Variants in MYB observed in about 807,000 individuals in gnomAD.
The protein encoded by MYB is transcriptional activator Myb.
MYB carries 28 observed loss-of-function variants against 92.9 expected under a neutral mutation model. That is an observed-to-expected ratio of 0.30 (90% CI 0.22 to 0.41). The LOEUF is 0.41. Ranked by LOEUF, MYB falls within the 10% of genes least tolerant of loss-of-function variation. The pLI is 1.00. For synonymous variants in MYB, 295 were observed against 329.1 expected, an observed-to-expected ratio of 0.90 and a Z score of 1.12; for missense variants, 679 against 929.3, an observed-to-expected ratio of 0.73 and a Z score of 3.50.
intron 1 of MYB, among the ~76,000 whole-genome samples, chr6:135,183,147 C>T (rs1775375407): frequency 6.6e-6 from 1 of 151,510 alleles, no homozygotes; most frequent in South Asian, 2.1e-4. Context: ...CGCGCAGGTT[C>T]CCTGAGGCTC....
intron 3 of MYB, among the ~76,000 whole-genome samples, chr6:135,188,139 G>C (rs990413996): frequency 6.6e-6 from 1 of 152,004 alleles, no homozygotes; most frequent in African/African-American, 2.4e-5. Context: ...AAAAACAGTT[G>C]CTTCTTGTTT....
At position 135,193,795 on chromosome 6, in the gene MYB, T is replaced by C. The variant is rs776384034; in HGVS notation, c.763-43T>C. On this transcript the variant is annotated intron_variant, in intron 6 of 15. Coordinates refer to ENST00000341911, the MANE Select transcript of MYB (RefSeq NM_001130173.2). ...GAAGCCAAGTCCCCTGAAGCATATG[T>C]AGCCCTGAATGACGTGGCCTTTGTT... 64 of 1,397,462 alleles carry C rather than the reference T, an allele frequency of 4.6e-5. No individual in the cohort carries two copies. The South Asian group carries it at 6.2e-4, about 13-fold the overall frequency. The allele number at this position is 1,397,462 out of a possible 1,614,324, so 86.6% of individuals were successfully genotyped here. A position where few individuals can be genotyped will look rare whatever the true frequency, so the allele number is the denominator to read the frequency against.
Position 135,185,913 on chromosome 6 carries a change from A to T in MYB, c.34A>T (p.Ser12Cys), listed in dbSNP as rs967344622. The change falls in exon 2 of 16, where the codon AGT becomes TGT. Residue 12 changes from serine (S) to cysteine (C), a missense_variant. Transcript: ENST00000341911. ...ARRPRHSIYSSDEDDEDFEMC... is the reference protein window; with the variant it reads ...ARRPRHSIYSCDEDDEDFEMC... The stretch of plus-strand genomic sequence containing the variant: ...TTCTTATTTCTGCAGCATATATAGC[A>T]GTGACGAGGATGATGAGGACTTTGA... The T allele has an allele frequency of 6.2e-7, 1 of 1,613,190 alleles. No homozygotes were observed. Among genetic ancestry groups the T allele is most frequent in the Non-Finnish European group, 8.5e-7 (1 of 1,179,312 alleles).
rs1263382160 is a variant in MYB, at chr6:135,182,000, T to G, written c.23+464T>G. 1.3e-5 allele frequency among the ~76,000 whole-genome samples: 2 copies of G among 152,180 alleles called. No individual in the cohort carries two copies. The highest frequency in any genetic ancestry group is 4.8e-5 in the African/African-American group (2 of 41,434). The stretch of plus-strand genomic sequence containing the variant: ...GGAAAATGCTGGATTGTTTAGTAGC[T>G]GCAGGTAGTTCATTTAAATTTCATT... On this transcript the variant is annotated intron_variant, in intron 1 of 15. Transcript: ENST00000341911. This position sits in a 1 kb window ranked among gnomAD's most constrained non-coding sequence, Gnocchi z 5.3.
chr6:135,199,697 T>G (rs1170852645), intron 11 of MYB: 2 of 354,730 alleles, frequency 5.6e-6, no homozygotes, highest in Non-Finnish European at 8.4e-6. Flanking sequence ...GTACAAAAAG[T>G]AAATTTTAAA....
At position 135,211,528 on chromosome 6, in the gene MYB, A is replaced by AGATAGAATTGCTTTAGAGCAATT. The variant is rs1483092775; in HGVS notation, c.2170-6335_2170-6313dup. On this transcript the variant is annotated intron_variant, in intron 15 of 15. Coordinates refer to ENST00000341911, the MANE Select transcript of MYB (RefSeq NM_001130173.2). Reference sequence around the variant, plus strand: ...AAATCTTCCTTGGGCAGGCCAGCAAAGATAGAATTGCTTTAGAGCAATTTG... The same window carrying AGATAGAATTGCTTTAGAGCAATT: ...AAATCTTCCTTGGGCAGGCCAGCAAAGATAGAATTGCTTTAGAGCAATTGATAGAATTGCTTTAGAGCAATTTG... 6.6e-5 allele frequency among the ~76,000 whole-genome samples: 10 copies of AGATAGAATTGCTTTAGAGCAATT among 152,230 alleles called. No individual in the cohort carries two copies. The East Asian group carries it at 1.9e-3, about 29-fold the overall frequency.
chr6:135,203,143 CCA>C (rs749041188), intron 14 of MYB, 72 bp from the exon 15 acceptor site: 267 of 1,083,436 alleles, frequency 2.5e-4, no homozygotes, highest in Admixed American at 1.3e-3. Context: ...AATCTACTCT[CCA>C]CAGTGTTAGA....
At chr6:135,216,772 C>T (rs1460063947) in intron 15 of MYB, among the ~76,000 whole-genome samples, 1 of 152,122 alleles carries the variant, frequency 6.6e-6, no homozygotes, top group Non-Finnish European at 1.5e-5. Flanking sequence ...CATCTTACGT[C>T]CTTTTGGAAA....
chr6:135,207,435 A>T (rs1366218287), intron 15 of MYB, among the ~76,000 whole-genome samples: 1 of 152,194 alleles, frequency 6.6e-6, no homozygotes. Context: ...GGAACTGCGC[A>T]ATTCTGTGTT....
At chr6:135,183,542 A>C (rs1775470206) in intron 1 of MYB, among the ~76,000 whole-genome samples, 1 of 152,214 alleles carries the variant, frequency 6.6e-6, no homozygotes, top group Non-Finnish European at 1.5e-5. Flanking sequence ...TGGGTCTGAG[A>C]TCTTGTCAGA....
chr6:135,194,987 A>T (rs1368968054), intron 8 of MYB: 1 of 1,340,420 alleles, frequency 7.5e-7, no homozygotes. Flanking sequence ...GAATTCTGAC[A>T]TCTTTAGCGA....
rs1217103825 is a variant in MYB, at chr6:135,182,968, G to A, written c.23+1432G>A. On this transcript the variant is annotated intron_variant, in intron 1 of 15. Transcript: ENST00000341911. This position sits in a 1 kb window ranked among gnomAD's most constrained non-coding sequence, Gnocchi z 5.6. ...CTGCCCCTCGAGGGCTCCACTTTTC[G>A]CCTTTAGGACTTCACAGGACAGCTA... 6.7e-6 allele frequency among the ~76,000 whole-genome samples: 1 copy of A among 149,518 alleles called. No individual in the cohort carries two copies. Among genetic ancestry groups the A allele is most frequent in the Non-Finnish European group, 1.5e-5 (1 of 67,620 alleles).
intron 13 of MYB, 149 bp downstream of exon 13, chr6:135,200,564 C>T: frequency 8.7e-7 from 1 of 1,150,690 alleles, no homozygotes; most frequent in African/African-American, 1.5e-5. Flanking sequence ...AAAGGTACTG[C>T]CAGACTGTAG....
rs765085584 is a variant in MYB at position 135,217,904 on chromosome 6, T to C, written c.2210T>C (p.Met737Thr). Reference sequence around the variant, plus strand: ...TGGGAACCTGCATCCTGTGGAAAGATGGAGGAGCAGATGACATCTTCCAGT... The same window carrying C: ...TGGGAACCTGCATCCTGTGGAAAGACGGAGGAGCAGATGACATCTTCCAGT... ...STWEPASCGK[M>T]EEQMTSSSQA... Residue 737 changes from methionine (M) to threonine (T), a missense_variant, in exon 16 of 16, where the codon ATG (methionine) becomes ACG (threonine). Transcript: ENST00000341911. 1.5e-5 allele frequency: 24 copies of C among 1,613,438 alleles called. No homozygotes were observed. The Admixed American group carries it at 3.8e-4, about 26-fold the overall frequency.
At chr6:135,214,784 G>A (rs931520902) in intron 15 of MYB, among the ~76,000 whole-genome samples, 5 of 152,080 alleles carry the variant, frequency 3.3e-5, no homozygotes, top group Admixed American at 2.0e-4. Context: ...TTCATGTTTC[G>A]GGAATTTGTA....
At position 135,195,892 on chromosome 6, in the gene MYB, C is replaced by G. The variant is rs1222705214; in HGVS notation, c.1093C>G (p.Pro365Ala). 3.1e-6 allele frequency: 5 copies of G among 1,613,984 alleles called. No individual in the cohort carries two copies. The highest frequency in any genetic ancestry group is 4.2e-6 in the Non-Finnish European group (5 of 1,180,006). ...PSLPADPGSL[P>A]EESASPARCM... ...TCTGCCAGCGGATCCTGGCTCCCTA[C>G]CTGAAGAAAGCGCCTCGCCAGCAAG... is the stretch of plus-strand genomic sequence containing the variant. Residue 365 changes from proline to alanine, a missense_variant, in exon 9 of 16, where the codon CCT becomes GCT. By Grantham distance (27) the Pro-to-Ala change is conservative. Around this residue, in one of 8 missense-constraint regions of MYB, gnomAD observed 20 missense variants for 46.7 expected, o/e 0.43. Transcript: ENST00000341911.
In MYB at chr6:135,218,023, T is replaced by A; in HGVS notation, c.*43T>A. ...ATTATGGTTTTCAGAACACTTCAAGTTGACTTGGGATATATCATTCCTCAA... is the reference window on the plus strand; with the variant it reads ...ATTATGGTTTTCAGAACACTTCAAGATGACTTGGGATATATCATTCCTCAA... On this transcript the variant is annotated 3_prime_UTR_variant, in exon 16 of 16. Transcript: ENST00000341911. The A allele has an allele frequency of 1.4e-6, 2 of 1,440,744 alleles. No individual in the cohort carries two copies. Among genetic ancestry groups the A allele is most frequent in the Non-Finnish European group, 2.0e-6 (2 of 1,022,522 alleles). The allele number at this position is 1,440,744 out of a possible 1,614,324, so 89.2% of individuals were successfully genotyped here.
chr6:135,218,487 A>T lies in MYB; in HGVS notation c.*507A>T, dbSNP rs558712123. ...TAAATGCTCATTTATGGTTAATGACATTGAAGGTACATTTATTGTACCAAA... is the reference window on the plus strand; with the variant it reads ...TAAATGCTCATTTATGGTTAATGACTTTGAAGGTACATTTATTGTACCAAA... On this transcript the variant is annotated 3_prime_UTR_variant, in exon 16 of 16. Transcript: ENST00000341911. 5.4e-6 allele frequency: 1 copy of T among 185,494 alleles called. No homozygotes were observed. The highest frequency in any genetic ancestry group is 2.0e-4 in the South Asian group (1 of 5,118). 11.5% of individuals were successfully genotyped at this position (185,494 alleles called of 1,614,324 possible).
intron 2 of MYB, 82 bp from the exon 3 acceptor site, chr6:135,187,752 A>AT (rs1390408042): frequency 3.6e-6 from 3 of 844,938 alleles, no homozygotes; most frequent in Non-Finnish European, 5.6e-6. Flanking sequence ...TTTATTCTAG[A>AT]TTCGTTCCCT....
Sources: gnomAD v4.1 joint callset for allele counts (sites outside exome capture counted in the v4.1 genomes callset) on GRCh38, gnomAD v4.1.1 for gene constraint, gnomAD v4.1.1 regional missense constraint, Gnocchi (gnomAD v3.1) non-coding constraint, MANE v1.5 for transcripts, NCBI Gene and HGNC (gene_info 2026-07-23, HGNC 2026-07-21) for gene names.